Variants in NPHS2 observed in about 807,000 individuals in gnomAD.
NPHS2 encodes podocin.
Under a neutral mutation model 37.1 loss-of-function variants are expected in NPHS2, and 36 were observed. That is an observed-to-expected ratio of 0.97 (90% CI 0.74 to 1.28). The LOEUF is 1.28. Among genes scored for constraint, NPHS2 ranks in the 50% most tolerant of loss-of-function variants. The pLI, the probability that NPHS2 is intolerant of heterozygous loss-of-function variation, is 0.00. For synonymous variants in NPHS2, 196 were observed against 189.3 expected, an observed-to-expected ratio of 1.04 and a Z score of -0.29; for missense variants, 447 against 488.1, an observed-to-expected ratio of 0.92 and a Z score of 0.79.
chr1:179,550,745 T>C lies in NPHS2; in HGVS notation c.*428A>G, dbSNP rs1060775. On this transcript the variant is annotated 3_prime_UTR_variant, in exon 8 of 8. Transcript: ENST00000367615. ...ATCATTGGAGAGAAGACTGCATCTTTGGGACAGAAGAGCAATAGAGTGTGA... is the reference window on the plus strand; with the variant it reads ...ATCATTGGAGAGAAGACTGCATCTTCGGGACAGAAGAGCAATAGAGTGTGA... 0.91 allele frequency: 200,658 copies of C among 220,034 alleles called. 91,734 individuals are homozygous for C. Among genetic ancestry groups the C allele is most frequent in the East Asian group, 0.96 (9,110 of 9,448 alleles). The allele number at this position is 220,034 out of a possible 1,614,324, so 13.6% of individuals were successfully genotyped here. A position where few individuals can be genotyped will look rare whatever the true frequency, so the allele number is the denominator to read the frequency against.
chr1:179,574,737 T>G (rs146195978), intron 1 of NPHS2, among the ~76,000 whole-genome samples: 36 of 152,362 alleles, frequency 2.4e-4, no homozygotes, highest in African/African-American at 7.5e-4. Flanking sequence ...ATTCCTTATT[T>G]AATTTCTTTT....
In NPHS2 at chr1:179,556,091, A is replaced by C. The variant is rs1450123627; in HGVS notation, c.738+936T>G. ...GCATATATATTATAATCAGTGTAAC[A>C]AGGGCAAGCTTGAATGTCAAGTGTC... On this transcript the variant is annotated intron_variant, in intron 5 of 7. Coordinates refer to ENST00000367615, the MANE Select transcript of NPHS2 (RefSeq NM_014625.4). The surrounding 1 kb of genome is among the most constrained non-coding windows in gnomAD (Gnocchi z 4.1). 2.0e-5 allele frequency among the ~76,000 whole-genome samples: 3 copies of C among 152,262 alleles called. No homozygotes were observed. Among genetic ancestry groups the C allele is most frequent in the African/African-American group, 7.2e-5 (3 of 41,470 alleles).
chr1:179,554,005 C>A (rs997505932), intron 6 of NPHS2, among the ~76,000 whole-genome samples: 7 of 151,072 alleles, frequency 4.6e-5, no homozygotes, highest in African/African-American at 1.7e-4. Flanking sequence ...CTCTGCCTCT[C>A]GGGTTCAAGC....
At chr1:179,554,206 G>A (rs941815910) in intron 6 of NPHS2, among the ~76,000 whole-genome samples, 7 of 152,074 alleles carry the variant, frequency 4.6e-5, no homozygotes, top group Non-Finnish European at 1.0e-4. Context: ...GAGCCACTGC[G>A]CCTGGCCTAA....
intron 7 of NPHS2, 97 bp downstream of exon 7, chr1:179,552,506 G>A: frequency 1.1e-6 from 1 of 933,534 alleles, no homozygotes; most frequent in Non-Finnish European, 1.7e-6. Context: ...CTTCTGCCCA[G>A]TGCCTAATGA....
intron 1 of NPHS2, 141 bp downstream of exon 1, chr1:179,575,450 G>T: frequency 8.8e-7 from 1 of 1,135,058 alleles, no homozygotes. Flanking sequence ...CCTAACTTAC[G>T]CCCTTCCGTT....
At chr1:179,554,835 TAGGTTAA>T in intron 5 of NPHS2, 2 of 458,118 alleles carry the variant, frequency 4.4e-6, no homozygotes, top group South Asian at 5.7e-5. Context: ...CTGGTTTGAT[TAGGTTAA>T]AGGCTCTTGA....
intron 1 of NPHS2, among the ~76,000 whole-genome samples, chr1:179,570,246 A>G (rs905224837): frequency 1.3e-5 from 2 of 152,230 alleles, no homozygotes; most frequent in South Asian, 2.1e-4. Context: ...TTAAAGACAC[A>G]CACACAGAAA....
In NPHS2 at chr1:179,572,299, T is replaced by C. The variant is rs1572295457; in HGVS notation, c.274+3292A>G. The stretch of plus-strand genomic sequence containing the variant: ...ACAAGCCTTAATGTCTGAAGTTCCA[T>C]CATTTTAACACCTCCATTAAGGTGT... On this transcript the variant is annotated intron_variant, in intron 1 of 7. Coordinates refer to ENST00000367615, the MANE Select transcript of NPHS2 (RefSeq NM_014625.4). 2.0e-5 allele frequency among the ~76,000 whole-genome samples: 3 copies of C among 152,230 alleles called. No homozygotes were observed. The South Asian group carries it at 6.2e-4, about 32-fold the overall frequency.
intron 1 of NPHS2, 94 bp from the exon 2 acceptor site, chr1:179,564,887 G>T (rs1044318919): frequency 9.7e-5 from 96 of 989,240 alleles, no homozygotes; most frequent in Middle Eastern, 7.5e-4. Flanking sequence ...ATTGGAGTTG[G>T]CACAACTTGG....
intron 2 of NPHS2, among the ~76,000 whole-genome samples, chr1:179,563,765 A>G (rs1296979390): frequency 1.3e-5 from 2 of 152,254 alleles, no homozygotes; most frequent in African/African-American, 2.4e-5. Context: ...TTTGAGATAA[A>G]TGAAAACAAA....
intron 1 of NPHS2, 142 bp from the exon 2 acceptor site, chr1:179,564,935 G>T: frequency 1.4e-6 from 1 of 726,002 alleles, no homozygotes; most frequent in Non-Finnish European, 2.4e-6. Flanking sequence ...TCAAATCAGA[G>T]TAGTCAGAGT....
chr1:179,553,817 C>G (rs111530585), intron 6 of NPHS2, among the ~76,000 whole-genome samples: 1 of 152,072 alleles, frequency 6.6e-6, no homozygotes, highest in Non-Finnish European at 1.5e-5. Context: ...ACAATCTCGA[C>G]TCACTGCAGC....
intron 4 of NPHS2, among the ~76,000 whole-genome samples, chr1:179,557,787 G>A (rs1179001007): frequency 6.6e-6 from 1 of 152,106 alleles, no homozygotes; most frequent in East Asian, 1.9e-4. Flanking sequence ...AGTAAATTGT[G>A]ATACAGCCAC....
chr1:179,566,284 A>G (rs1674331359), intron 1 of NPHS2, among the ~76,000 whole-genome samples: 1 of 152,160 alleles, frequency 6.6e-6, no homozygotes, highest in Non-Finnish European at 1.5e-5. Context: ...ATGGTATCTC[A>G]TTGTGGTTTT....
At chr1:179,561,810 A>AT (rs954780268) in intron 2 of NPHS2, among the ~76,000 whole-genome samples, 70 of 147,882 alleles carry the variant, frequency 4.7e-4, no homozygotes, top group Admixed American at 1.3e-3. Flanking sequence ...ATTCAATTGG[A>AT]TTTTTTTTTT....
At chr1:179,554,393 T>C (rs1466538889) in intron 6 of NPHS2, 83 bp downstream of exon 6, 7 of 1,558,116 alleles carry the variant, frequency 4.5e-6, no homozygotes, top group Non-Finnish European at 6.2e-6. Context: ...TCAGTGAAAA[T>C]AATTTTTCAA....
Position 179,552,681 on chromosome 1 carries a change from A to C in NPHS2, c.795T>G (p.Ile265Met), listed in dbSNP as rs371459162. 6.2e-6 allele frequency: 10 copies of C among 1,613,042 alleles called. No individual in the cohort carries two copies. The African/African-American group carries it at 1.2e-4, about 19-fold the overall frequency. Residue 265 changes from isoleucine to methionine, a missense_variant and splice_region_variant, in exon 7 of 8, where the codon ATT becomes ATG. Ile to Met is a conservative substitution (Grantham distance 10, BLOSUM62 1). Transcript: ENST00000367615. Reference protein sequence around the residue: ...IWGIKVERIEIKDVRLPAGLQ... With the variant: ...IWGIKVERIEMKDVRLPAGLQ... ...GCCCAGCTGGCAACCTCACATCTTT[A>C]CTGAAAAAGAAAGAATGCAGGTATG...
intron 2 of NPHS2, among the ~76,000 whole-genome samples, chr1:179,561,617 T>G (rs1674140566): frequency 6.6e-6 from 1 of 152,206 alleles, no homozygotes; most frequent in East Asian, 1.9e-4. Flanking sequence ...CTAAAATCCA[T>G]GGCCAACTTT....
Sources: gnomAD v4.1 joint callset for allele counts (sites outside exome capture counted in the v4.1 genomes callset) on GRCh38, gnomAD v4.1.1 for gene constraint, Gnocchi (gnomAD v3.1) non-coding constraint, MANE v1.5 for transcripts, NCBI Gene and HGNC (gene_info 2026-07-23, HGNC 2026-07-21) for gene names.